Variants in GPR89B observed in about 807,000 individuals in gnomAD.
GPR89B encodes golgi pH regulator B.
GPR89B carries 25 observed loss-of-function variants against 52.4 expected under a neutral mutation model. That is an observed-to-expected ratio of 0.48 (90% confidence interval 0.35 to 0.67). GPR89B has a LOEUF of 0.67. Ranked by LOEUF, GPR89B falls within the 30% of genes least tolerant of loss-of-function variation. The pLI, the probability that GPR89B is intolerant of heterozygous loss-of-function variation, is 0.01. For missense variants in GPR89B, 146 were observed against 450.2 expected, an observed-to-expected ratio of 0.32 and a Z score of 6.11; for synonymous variants, 52 against 151.2, an observed-to-expected ratio of 0.34 and a Z score of 4.81.
At chr1:148,003,217 C>T in the GPR89B span, among the ~76,000 whole-genome samples, 1 of 152,112 alleles carries the variant, frequency 6.6e-6, no homozygotes, top group Non-Finnish European at 1.5e-5. Flanking sequence ...GGGCGAATAG[C>T]AGTTTATACG....
the GPR89B span, among the ~76,000 whole-genome samples, chr1:148,019,258 A>T: frequency 6.6e-6 from 1 of 151,502 alleles, no homozygotes; most frequent in East Asian, 1.9e-4. Flanking sequence ...TACAGATGTG[A>T]ACCACCACAC....
intron 12 of GPR89B, among the ~76,000 whole-genome samples, chr1:147,989,887 T>C (rs1658935410): frequency 6.6e-6 from 1 of 152,138 alleles, no homozygotes; most frequent in African/African-American, 2.4e-5. Flanking sequence ...AGTATGTGAA[T>C]AGTGAATAGT....
intron 7 of GPR89B, among the ~76,000 whole-genome samples, chr1:147,960,371 C>A (rs1656443747): frequency 6.6e-6 from 1 of 151,262 alleles, no homozygotes; most frequent in Admixed American, 6.6e-5. Flanking sequence ...TTGAAAGTAA[C>A]CATTACAAAT....
At chr1:147,962,341 T>G (rs1656642726) in intron 7 of GPR89B, among the ~76,000 whole-genome samples, 1 of 151,316 alleles carries the variant, frequency 6.6e-6, no homozygotes, top group African/African-American at 2.4e-5. Flanking sequence ...GAAGAATTGC[T>G]TGAATCCAGG....
At position 147,928,595 on chromosome 1, in the gene GPR89B, C is replaced by T. The variant is rs1395596415; in HGVS notation, c.42+17C>T. The T allele has an allele frequency of 1.2e-6, 2 of 1,613,802 alleles. No individual in the cohort carries two copies. The highest frequency in any genetic ancestry group is 1.7e-6 in the Non-Finnish European group (2 of 1,179,698). ...ACCTCCCAGGTGAGTCACCGCCTCCCGCCCCGACACCCGTCCGCCTCCCTT... is the reference window on the plus strand; with the variant it reads ...ACCTCCCAGGTGAGTCACCGCCTCCTGCCCCGACACCCGTCCGCCTCCCTT... On this transcript the variant is annotated intron_variant, in intron 1 of 13. Coordinates refer to ENST00000314163, the MANE Select transcript of GPR89B (RefSeq NM_016334.5).
At chr1:147,933,998 A>G (rs587644141) in intron 1 of GPR89B, among the ~76,000 whole-genome samples, 196 of 151,342 alleles carry the variant, frequency 1.3e-3, no homozygotes, top group African/African-American at 4.3e-3. Flanking sequence ...CCTCCTGTCT[A>G]GCCTCATTTT....
chr1:148,004,323 A>ATTTTT, the GPR89B span, among the ~76,000 whole-genome samples: 2 of 141,566 alleles, frequency 1.4e-5, no homozygotes, highest in African/African-American at 5.2e-5. Flanking sequence ...CACCTGGCTA[A>ATTTTT]TTTTTTTTTT....
chr1:147,977,222 A>G (rs1318400387), intron 10 of GPR89B, among the ~76,000 whole-genome samples: 3 of 140,704 alleles, frequency 2.1e-5, no homozygotes, highest in Non-Finnish European at 4.6e-5. Flanking sequence ...TGACAGAGCA[A>G]GACTCCATCT....
intron 7 of GPR89B, among the ~76,000 whole-genome samples, chr1:147,965,382 C>G (rs1467165826): frequency 5.3e-5 from 8 of 151,624 alleles, no homozygotes; most frequent in African/African-American, 2.0e-4. Flanking sequence ...TTTTGCCTCC[C>G]AAAAATATCC....
chr1:147,949,431 G>GC, intron 5 of GPR89B, among the ~76,000 whole-genome samples: 1 of 41,800 alleles, frequency 2.4e-5, no homozygotes, highest in South Asian at 9.0e-4. Context: ...GGCTGGCCGG[G>GC]TGGGGGGCTG....
intron 7 of GPR89B, among the ~76,000 whole-genome samples, chr1:147,966,199 C>T (rs1657026218): frequency 6.6e-6 from 1 of 151,954 alleles, no homozygotes. Flanking sequence ...AGTAATTAAA[C>T]TATGTATAGC....
In GPR89B at chr1:147,933,941, A is replaced by G. The variant is rs113750974; in HGVS notation, c.43-2686A>G. Reference sequence around the variant, plus strand: ...CTCACCACCTACAGACTATAATCTAAGCTCCTTAGGGTGGCCTTCAAAGCT... The same window carrying G: ...CTCACCACCTACAGACTATAATCTAGGCTCCTTAGGGTGGCCTTCAAAGCT... On this transcript the variant is annotated intron_variant, in intron 1 of 13. Coordinates refer to ENST00000314163, the MANE Select transcript of GPR89B (RefSeq NM_016334.5). 5.2e-3 allele frequency among the ~76,000 whole-genome samples: 786 copies of G among 152,132 alleles called. 2 individuals carry two copies. Among genetic ancestry groups the G allele is most frequent in the Non-Finnish European group, 8.9e-3 (606 of 68,012 alleles).
the GPR89B span, among the ~76,000 whole-genome samples, chr1:148,007,077 CT>C: frequency 4.7e-3 from 638 of 136,520 alleles, 1 homozygote; most frequent in African/African-American, 6.8e-3. Flanking sequence ...GCATTTTTGG[CT>C]TTTTTTTTTT....
intron 12 of GPR89B, among the ~76,000 whole-genome samples, chr1:147,991,605 G>C (rs1434509386): frequency 2.6e-5 from 4 of 152,002 alleles, no homozygotes; most frequent in Admixed American, 2.0e-4. Context: ...TAGCTCTTAC[G>C]ATTTCGAGAT....
intron 1 of GPR89B, 135 bp from the exon 2 acceptor site, chr1:147,936,492 T>G: frequency 1.5e-6 from 1 of 685,862 alleles, no homozygotes; most frequent in Non-Finnish European, 2.6e-6. Flanking sequence ...GTAGGTCTTA[T>G]AAGAGTGGAT....
intron 5 of GPR89B, among the ~76,000 whole-genome samples, chr1:147,950,804 A>G (rs1348034347): frequency 3.7e-4 from 56 of 152,324 alleles, no homozygotes; most frequent in African/African-American, 1.3e-3. Context: ...GTGGTGGCGC[A>G]CGCCTGCAAT....
chr1:148,000,285 C>CA, the GPR89B span, among the ~76,000 whole-genome samples: 212 of 150,918 alleles, frequency 1.4e-3, no homozygotes, highest in Middle Eastern at 0.014. Context: ...ACTTTAAGCA[C>CA]ATAAACGGTT....
downstream of GPR89B, among the ~76,000 whole-genome samples, chr1:147,997,834 G>A (rs1659353178): frequency 1.3e-5 from 2 of 151,856 alleles, no homozygotes; most frequent in East Asian, 1.9e-4. Context: ...GTCACATATT[G>A]TAACAAAAGT....
chr1:147,928,489 G>A lies in GPR89B; in HGVS notation c.-48G>A, dbSNP rs1166532114. ...GGGCCTGTGGCCCCAGCGTGCTGTGGCCTCCGGGAGTGGGAAGTGGAGGCA... is the reference window on the plus strand; with the variant it reads ...GGGCCTGTGGCCCCAGCGTGCTGTGACCTCCGGGAGTGGGAAGTGGAGGCA... On this transcript the variant is annotated 5_prime_UTR_variant, in exon 1 of 14. Transcript: ENST00000314163. 1 of 1,611,476 alleles carries A rather than the reference G, an allele frequency of 6.2e-7. No homozygotes were observed. Among genetic ancestry groups the A allele is most frequent in the Non-Finnish European group, 8.5e-7 (1 of 1,177,876 alleles).
Sources: allele counts gnomAD v4.1 joint callset (sites outside exome capture counted in the v4.1 genomes callset), GRCh38; gene constraint gnomAD v4.1.1; transcripts MANE v1.5; gene names NCBI Gene and HGNC (gene_info 2026-07-23, HGNC 2026-07-21).